Variants in ARL15 observed in about 807,000 individuals in gnomAD.
ARL15 encodes ADP-ribosylation factor-like protein 15.
A neutral mutation model predicts 25.2 loss-of-function variants in ARL15; 19 were observed. That is an observed-to-expected ratio of 0.75 (90% CI 0.53 to 1.10). The LOEUF (loss-of-function observed/expected upper bound fraction) is 1.10. ARL15 is among the 50% of genes least tolerant of loss of function. The pLI, the probability that ARL15 is intolerant of heterozygous loss-of-function variation, is 0.00. For synonymous variants in ARL15, 94 were observed against 86.8 expected (o/e 1.08, Z -0.46); for missense variants, 220 against 246.0 (o/e 0.89, Z 0.71).
chr5:53,891,876 A>T (rs528594073), intron 4 of ARL15, among the ~76,000 whole-genome samples: 2 of 152,306 alleles, frequency 1.3e-5, no homozygotes, highest in Non-Finnish European at 2.9e-5. Flanking sequence ...CTCGGGTGCC[A>T]GCACTCCAGG....
intron 1 of ARL15, among the ~76,000 whole-genome samples, chr5:54,287,646 C>T (rs1219713752): frequency 2.0e-5 from 3 of 152,084 alleles, no homozygotes; most frequent in African/African-American, 4.8e-5. Flanking sequence ...AATCTACATA[C>T]TAATTAAAAT....
chr5:54,177,018 G>A (rs993562311), intron 1 of ARL15, among the ~76,000 whole-genome samples: 1 of 152,124 alleles, frequency 6.6e-6, no homozygotes, highest in Non-Finnish European at 1.5e-5. Flanking sequence ...TCCCCTGGTA[G>A]CAGCAAATAG....
At chr5:54,306,600 A>G (rs987811994) in intron 1 of ARL15, among the ~76,000 whole-genome samples, 3 of 152,170 alleles carry the variant, frequency 2.0e-5, no homozygotes, top group Admixed American at 6.5e-5. Context: ...CATGTCAGCC[A>G]GGCTGGTCTC....
intron 4 of ARL15, among the ~76,000 whole-genome samples, chr5:54,097,439 A>C (rs985954969): frequency 6.6e-6 from 1 of 152,160 alleles, no homozygotes; most frequent in African/African-American, 2.4e-5. Flanking sequence ...ATCTTAACTA[A>C]AATCAAGAAG....
intron 4 of ARL15, among the ~76,000 whole-genome samples, chr5:53,969,091 C>G (rs577029722): frequency 2.6e-5 from 4 of 152,130 alleles, no homozygotes; most frequent in Admixed American, 2.6e-4. Context: ...GTGGAGGTTG[C>G]AGTGAGCCGA....
chr5:54,187,073 G>A (rs1347653405), intron 1 of ARL15, among the ~76,000 whole-genome samples: 1 of 152,156 alleles, frequency 6.6e-6, no homozygotes, highest in Non-Finnish European at 1.5e-5. Context: ...CAGAATTGAT[G>A]AGAAGGCTAA....
intron 4 of ARL15, among the ~76,000 whole-genome samples, chr5:54,009,491 A>G (rs1035087992): frequency 6.6e-6 from 1 of 152,176 alleles, no homozygotes. Context: ...TAGGCTTTGT[A>G]TTACATTTGC....
intron 4 of ARL15, among the ~76,000 whole-genome samples, chr5:54,000,901 T>A (rs1748831486): frequency 6.6e-6 from 1 of 152,194 alleles, no homozygotes; most frequent in African/African-American, 2.4e-5. Context: ...TGAGCCACTG[T>A]GCAGTCGCCT....
intron 4 of ARL15, among the ~76,000 whole-genome samples, chr5:54,049,783 G>A (rs975660792): frequency 1.3e-5 from 2 of 151,922 alleles, no homozygotes; most frequent in Non-Finnish European, 2.9e-5. Context: ...TGTTGCCCAG[G>A]CTGGTCTCAA....
chr5:54,003,669 T>C (rs554189151), intron 4 of ARL15, among the ~76,000 whole-genome samples: 74 of 21,852 alleles, frequency 3.4e-3, no homozygotes, highest in African/African-American at 8.7e-3. Context: ...TCTTTCTATC[T>C]ATCTATCTAT....
chr5:54,076,074 G>A (rs934255862), intron 4 of ARL15, among the ~76,000 whole-genome samples: 3 of 152,060 alleles, frequency 2.0e-5, no homozygotes, highest in Admixed American at 1.3e-4. Context: ...ACGATTAAAT[G>A]AGTACCCAGC....
intron 4 of ARL15, among the ~76,000 whole-genome samples, chr5:54,007,190 C>G (rs1368613568): frequency 6.9e-6 from 1 of 145,328 alleles, no homozygotes; most frequent in Non-Finnish European, 1.5e-5. Context: ...AGAAGAGTAG[C>G]AAAACTTCAG....
chr5:54,079,340 A>T (rs1751715887), intron 4 of ARL15, among the ~76,000 whole-genome samples: 1 of 152,230 alleles, frequency 6.6e-6, no homozygotes, highest in South Asian at 2.1e-4. Flanking sequence ...AATTGAAAGA[A>T]AATTGGATAT....
At chr5:54,297,145 A>G (rs185845684) in intron 1 of ARL15, among the ~76,000 whole-genome samples, 199 of 152,238 alleles carry the variant, frequency 1.3e-3, no homozygotes, top group Non-Finnish European at 1.9e-3. Context: ...CTCTCGGCCT[A>G]TTTTTTTCTA....
At chr5:54,264,976 T>C (rs1279266587) in intron 1 of ARL15, among the ~76,000 whole-genome samples, 7 of 152,196 alleles carry the variant, frequency 4.6e-5, no homozygotes, top group Admixed American at 2.6e-4. Flanking sequence ...ATTTTGTCTT[T>C]GTTCAGGGTT....
At chr5:53,927,591 C>T (rs1037572028) in intron 4 of ARL15, among the ~76,000 whole-genome samples, 4 of 152,170 alleles carry the variant, frequency 2.6e-5, no homozygotes, top group African/African-American at 9.7e-5. Context: ...CAACTCAGTG[C>T]AGCCCTGCAA....
chr5:54,044,624 T>C (rs968128123), intron 4 of ARL15, among the ~76,000 whole-genome samples: 9 of 152,186 alleles, frequency 5.9e-5, no homozygotes, highest in Admixed American at 4.6e-4. Flanking sequence ...AAACATTGTA[T>C]CTCTCATACA....
At chr5:54,279,860 C>T (rs924311406) in intron 1 of ARL15, among the ~76,000 whole-genome samples, 3 of 152,172 alleles carry the variant, frequency 2.0e-5, no homozygotes, top group Non-Finnish European at 2.9e-5. Flanking sequence ...TGGCTTACTG[C>T]AGCAGCCATG....
intron 3 of ARL15, among the ~76,000 whole-genome samples, chr5:54,150,282 G>C (rs1168417043): frequency 6.6e-6 from 1 of 152,202 alleles, no homozygotes; most frequent in East Asian, 1.9e-4. Context: ...TTGGAAAGTA[G>C]AAGTAAGACT....
Sources: gnomAD v4.1 joint callset for allele counts (sites outside exome capture counted in the v4.1 genomes callset) on GRCh38, gnomAD v4.1.1 for gene constraint, MANE v1.5 for transcripts, NCBI Gene and HGNC (gene_info 2026-07-23, HGNC 2026-07-21) for gene names.